The following FBXO34 variants were observed in gnomAD, a reference collection of about 807,000 sequenced individuals.
FBXO34 encodes F-box only protein 34.
A neutral mutation model predicts 24.5 loss-of-function variants in FBXO34; 12 were observed. That is an observed-to-expected ratio of 0.49 (90% CI 0.31 to 0.79). The LOEUF is 0.79. FBXO34 is among the 30% of genes least tolerant of loss of function. FBXO34 has a pLI of 0.04. For synonymous variants in FBXO34, 320 were observed against 311.9 expected (o/e 1.03, Z -0.27); for missense variants, 823 against 857.7 (o/e 0.96, Z 0.51).
At chr14:55,298,648 T>C in intron 1 of FBXO34, 7 of 1,496,644 alleles carry the variant, frequency 4.7e-6, no homozygotes, top group Non-Finnish European at 6.4e-6. Flanking sequence ...CGAGCGCTGT[T>C]CGGGGCTGGA....
At chr14:55,290,256 T>C (rs1021037142) in intron 1 of FBXO34, among the ~76,000 whole-genome samples, 1 of 151,822 alleles carries the variant, frequency 6.6e-6, no homozygotes, top group Non-Finnish European at 1.5e-5. Flanking sequence ...TAGCCTGGTG[T>C]GGTGGCAGGT....
At chr14:55,314,699 G>GA (rs372788634) in intron 1 of FBXO34, among the ~76,000 whole-genome samples, 2 of 151,904 alleles carry the variant, frequency 1.3e-5, no homozygotes, top group African/African-American at 2.4e-5. Context: ...ACAAATGAAA[G>GA]AAAAAAACCT....
intron 1 of FBXO34, among the ~76,000 whole-genome samples, chr14:55,322,940 G>T (rs1883190031): frequency 6.8e-6 from 1 of 146,768 alleles, no homozygotes; most frequent in Admixed American, 6.8e-5. Context: ...TTGGGAGGCT[G>T]AGGTGGGCGG....
chr14:55,350,814 G>C lies in FBXO34; in HGVS notation c.424G>C (p.Asp142His), dbSNP rs1188924114. 1 of 1,610,088 alleles carries C rather than the reference G, an allele frequency of 6.2e-7. No homozygotes were observed. Among genetic ancestry groups the C allele is most frequent in the Non-Finnish European group, 8.5e-7 (1 of 1,178,980 alleles). ...IGSMKIKSSW[D>H]IDGRATKRRK... Reference sequence around the variant, plus strand: ...ATCTATGAAAATAAAAAGTTCCTGGGATATTGATGGGAGAGCTACTAAGAG... The same window carrying C: ...ATCTATGAAAATAAAAAGTTCCTGGCATATTGATGGGAGAGCTACTAAGAG... Residue 142 changes from aspartate to histidine, a missense_variant, in exon 2 of 2, where the codon GAT (aspartate) becomes CAT (histidine). Coordinates refer to ENST00000313833, the MANE Select transcript of FBXO34 (RefSeq NM_017943.4).
intron 1 of FBXO34, among the ~76,000 whole-genome samples, chr14:55,303,657 C>CT (rs1335226800): frequency 2.6e-4 from 37 of 143,372 alleles, no homozygotes; most frequent in African/African-American, 8.5e-4. Context: ...ACTTTTCTTT[C>CT]TTTTTAAAAA....
chr14:55,300,582 G>A (rs1441301422), intron 1 of FBXO34, among the ~76,000 whole-genome samples: 2 of 152,186 alleles, frequency 1.3e-5, no homozygotes, highest in Non-Finnish European at 2.9e-5. Flanking sequence ...GCGACAGAGC[G>A]AGACTCCGTC....
the FBXO34 span, chr14:55,380,792 T>A: frequency 1.6e-6 from 1 of 640,166 alleles, no homozygotes; most frequent in Non-Finnish European, 2.6e-6. Context: ...ATAGCACTGT[T>A]ACGTTTTAGT....
At chr14:55,400,848 G>A in the FBXO34 span, among the ~76,000 whole-genome samples, 3 of 151,890 alleles carry the variant, frequency 2.0e-5, no homozygotes, top group Non-Finnish European at 2.9e-5. Context: ...AGGTTGCAGT[G>A]AGCTGAGATT....
intron 1 of FBXO34, among the ~76,000 whole-genome samples, chr14:55,292,210 G>A (rs758599581): frequency 2.6e-5 from 4 of 152,074 alleles, no homozygotes; most frequent in Non-Finnish European, 5.9e-5. Flanking sequence ...TACATTACAT[G>A]ATATGTATTC....
rs1264623728 is a variant in FBXO34 at position 55,296,386 on chromosome 14, T to TTTTTG, written c.-11+24854_-11+24858dup. On this transcript the variant is annotated intron_variant, in intron 1 of 1. Transcript: ENST00000313833. ...GGTAGGTTTTGCTGTTCTTGTGTTTTTTTTGTTTTTTTTTTTTTTTTTTTT... is the reference window on the plus strand; with the variant it reads ...GGTAGGTTTTGCTGTTCTTGTGTTTTTTTTGTTTTGTTTTTTTTTTTTTTTTTTTT... Among the ~76,000 whole-genome samples the TTTTTG allele has an allele frequency of 9.2e-3, 1,032 of 112,312 alleles. 21 individuals carry two copies. The highest frequency in any genetic ancestry group is 0.014 in the South Asian group (47 of 3,322). The allele number at this position is 112,312 out of a possible 152,430, so 73.7% of individuals were successfully genotyped here.
At chr14:55,336,985 T>C (rs201030962) in intron 1 of FBXO34, among the ~76,000 whole-genome samples, 2 of 141,136 alleles carry the variant, frequency 1.4e-5, no homozygotes, top group Non-Finnish European at 3.2e-5. Flanking sequence ...TTTTATTTTT[T>C]TTTTTTTTTT....
intron 1 of FBXO34, among the ~76,000 whole-genome samples, chr14:55,280,526 A>AATTTTT (rs201409175): frequency 0.078 from 7,409 of 95,424 alleles, 297 homozygotes; most frequent in South Asian, 0.11. Context: ...TATATCAGGA[A>AATTTTT]CTTTTTTTTT....
chr14:55,422,666 A>G, the FBXO34 span, among the ~76,000 whole-genome samples: 5 of 152,088 alleles, frequency 3.3e-5, no homozygotes, highest in African/African-American at 1.2e-4. Flanking sequence ...AGCCTAGCCA[A>G]TTTGGCAAAA....
At chr14:55,272,908 A>G (rs1331738802) in intron 1 of FBXO34, among the ~76,000 whole-genome samples, 7 of 152,266 alleles carry the variant, frequency 4.6e-5, no homozygotes, top group Non-Finnish European at 1.0e-4. Context: ...AGAGAATAAA[A>G]AAATGATTTG....
At chr14:55,274,267 A>C (rs1194744268) in intron 1 of FBXO34, among the ~76,000 whole-genome samples, 1 of 152,222 alleles carries the variant, frequency 6.6e-6, no homozygotes, top group Non-Finnish European at 1.5e-5. Flanking sequence ...ATGAGTTAAT[A>C]GGTGAAGAAT....
downstream of FBXO34, among the ~76,000 whole-genome samples, chr14:55,374,578 GT>G (rs1476544916): frequency 1.3e-5 from 2 of 152,056 alleles, no homozygotes; most frequent in African/African-American, 4.8e-5. Context: ...TGGTTTTTGG[GT>G]TTTGTGGCTT....
the FBXO34 span, chr14:55,440,654 A>AC: frequency 2.8e-5 from 35 of 1,268,936 alleles, no homozygotes; most frequent in Admixed American, 2.6e-4. Flanking sequence ...GAACCCAGCT[A>AC]CCGGCCCATG....
At chr14:55,419,419 CTGTT>C in the FBXO34 span, among the ~76,000 whole-genome samples, 1 of 152,174 alleles carries the variant, frequency 6.6e-6, no homozygotes, top group Non-Finnish European at 1.5e-5. Flanking sequence ...GACATATTTG[CTGTT>C]TGTTATACCC....
At chr14:55,322,446 C>T (rs979089287) in intron 1 of FBXO34, among the ~76,000 whole-genome samples, 1 of 152,118 alleles carries the variant, frequency 6.6e-6, no homozygotes, top group African/African-American at 2.4e-5. Context: ...TGTCTCTCTC[C>T]TCCCCCACCA....
Sources: allele counts gnomAD v4.1 joint callset (sites outside exome capture counted in the v4.1 genomes callset), GRCh38; gene constraint gnomAD v4.1.1; transcripts MANE v1.5; gene names NCBI Gene and HGNC (gene_info 2026-07-23, HGNC 2026-07-21).